PTPRN2: variants seen among roughly 807,000 people sequenced by gnomAD.
PTPRN2 encodes receptor-type tyrosine-protein phosphatase N2.
A neutral mutation model predicts 118.8 loss-of-function variants in PTPRN2; 74 were observed. The ratio of observed to expected loss-of-function variants is 0.62; its 90% CI spans 0.52 to 0.76. PTPRN2 has a LOEUF of 0.76. Ranked by LOEUF, PTPRN2 falls within the 30% of genes least tolerant of loss-of-function variation. The pLI is 0.00. For synonymous variants in PTPRN2, 641 were observed against 608.0 expected (o/e 1.05, Z -0.80); for missense variants, 1,481 against 1,394.4 (o/e 1.06, Z -0.99).
chr7:158,169,569 C>A (rs1399836488), intron 5 of PTPRN2, among the ~76,000 whole-genome samples: 1 of 151,642 alleles, frequency 6.6e-6, no homozygotes, highest in Non-Finnish European at 1.5e-5. Context: ...GCGTGAGCCA[C>A]CGCGCCTGGC....
intron 2 of PTPRN2, among the ~76,000 whole-genome samples, chr7:158,480,779 G>A (rs1820590704): frequency 6.6e-6 from 1 of 152,236 alleles, no homozygotes; most frequent in Admixed American, 6.5e-5. Context: ...GCCTAATCCA[G>A]AGCAAGGCCC....
At chr7:157,703,105 C>T (rs571030411) in intron 12 of PTPRN2, among the ~76,000 whole-genome samples, 13 of 152,344 alleles carry the variant, frequency 8.5e-5, no homozygotes, top group South Asian at 2.1e-4. Flanking sequence ...TGAAATTGAA[C>T]GGGCTCATTC....
At chr7:158,024,990 G>C (rs1396875010) in intron 11 of PTPRN2, among the ~76,000 whole-genome samples, 1 of 152,192 alleles carries the variant, frequency 6.6e-6, no homozygotes, top group East Asian at 1.9e-4. Flanking sequence ...GCAGTGGGTG[G>C]TTTGTGAATG....
At chr7:157,911,995 G>C (rs541800848) in intron 11 of PTPRN2, among the ~76,000 whole-genome samples, 9 of 152,066 alleles carry the variant, frequency 5.9e-5, no homozygotes, top group Non-Finnish European at 2.9e-5. Flanking sequence ...TACCCAGTCC[G>C]GTGGGAAACT....
intron 13 of PTPRN2, among the ~76,000 whole-genome samples, chr7:157,668,619 G>C (rs906036747): frequency 1.4e-4 from 21 of 152,220 alleles, no homozygotes; most frequent in African/African-American, 4.8e-4. Flanking sequence ...AACGGGAACC[G>C]GCTCTGTTTG....
In PTPRN2 at chr7:158,518,828, T is replaced by C. The variant is rs554443771; in HGVS notation, c.113-29043A>G. On this transcript the variant is annotated intron_variant, in intron 1 of 22. Transcript: ENST00000389418. ...GGCGAAACCCCGTCTCTATAAAAAG[T>C]ACAAAAATTAGCTGGGCATGTTGCT... is the stretch of plus-strand genomic sequence containing the variant. 2.2e-3 allele frequency among the ~76,000 whole-genome samples: 331 copies of C among 152,102 alleles called. 2 individuals carry two copies. The highest frequency in any genetic ancestry group is 7.8e-3 in the African/African-American group (325 of 41,496).
intron 22 of PTPRN2, among the ~76,000 whole-genome samples, chr7:157,544,801 T>C (rs1798197267): frequency 6.6e-6 from 1 of 152,194 alleles, no homozygotes; most frequent in African/African-American, 2.4e-5. Context: ...GCATCCCTTG[T>C]GTCTGCTGAG....
chr7:158,071,001 ATGGTGGTGGAGGTG>A (rs1811371916), intron 11 of PTPRN2, among the ~76,000 whole-genome samples: 1 of 42,938 alleles, frequency 2.3e-5, no homozygotes, highest in African/African-American at 1.3e-4. Flanking sequence ...GGAGGTGCTC[ATGGTGGTGGAGGTG>A]CTCGTGGTGG....
chr7:157,916,428 C>A (rs898984203), intron 11 of PTPRN2, among the ~76,000 whole-genome samples: 2 of 152,218 alleles, frequency 1.3e-5, no homozygotes, highest in African/African-American at 4.8e-5. Context: ...GAGGTGGCTC[C>A]TCATGGACTG....
At chr7:158,321,934 C>T (rs1803054022) in intron 2 of PTPRN2, among the ~76,000 whole-genome samples, 1 of 152,164 alleles carries the variant, frequency 6.6e-6, no homozygotes, top group Non-Finnish European at 1.5e-5. Flanking sequence ...CATCATAAAC[C>T]CTTCCGGCAA....
chr7:158,432,810 T>C (rs914232904), intron 2 of PTPRN2, among the ~76,000 whole-genome samples: 2 of 152,228 alleles, frequency 1.3e-5, no homozygotes, highest in Admixed American at 1.3e-4. Flanking sequence ...CTCACTAGAA[T>C]GGCTTACACT....
intron 22 of PTPRN2, among the ~76,000 whole-genome samples, chr7:157,543,541 CGGACACCCG>C (rs1395593834): frequency 6.6e-6 from 1 of 152,222 alleles, no homozygotes; most frequent in Non-Finnish European, 1.5e-5. Context: ...CCATGGCTCT[CGGACACCCG>C]CTGCTGGGGT....
At chr7:157,651,245 C>A (rs1287575600) in intron 14 of PTPRN2, among the ~76,000 whole-genome samples, 2 of 152,194 alleles carry the variant, frequency 1.3e-5, no homozygotes, top group Non-Finnish European at 2.9e-5. Context: ...TTTTTCACGT[C>A]TCTGTCACTG....
At position 158,221,649 on chromosome 7, in the gene PTPRN2, G is replaced by C. The variant is rs565026185; in HGVS notation, c.278-16376C>G. Among the ~76,000 whole-genome samples, 3 of 152,194 alleles carry C rather than the reference G, an allele frequency of 2.0e-5. No homozygotes were observed. The East Asian group carries it at 5.8e-4, about 29-fold the overall frequency. The stretch of plus-strand genomic sequence containing the variant: ...AGAGAGAATGAATGCCAAGCGGAAA[G>C]GGTTTCCTTCGGATCCATCAGATCT... On this transcript the variant is annotated intron_variant, in intron 3 of 22. Transcript: ENST00000389418.
At chr7:158,575,500 G>A (rs919263204) in intron 1 of PTPRN2, among the ~76,000 whole-genome samples, 2 of 152,184 alleles carry the variant, frequency 1.3e-5, no homozygotes, top group Admixed American at 6.5e-5. Context: ...AAATAAGTGA[G>A]ACCACAGGTG....
At chr7:158,230,935 A>T (rs955910996) in intron 3 of PTPRN2, among the ~76,000 whole-genome samples, 1 of 152,230 alleles carries the variant, frequency 6.6e-6, no homozygotes, top group Non-Finnish European at 1.5e-5. Flanking sequence ...TAAACCAGCC[A>T]TATCTATAAA....
intron 3 of PTPRN2, among the ~76,000 whole-genome samples, chr7:158,257,440 T>C (rs1235513024): frequency 6.6e-6 from 1 of 152,164 alleles, no homozygotes; most frequent in African/African-American, 2.4e-5. Context: ...GCGCTAAACG[T>C]CTTTTTCTTG....
At chr7:157,849,946 G>A (rs576708516) in intron 12 of PTPRN2, among the ~76,000 whole-genome samples, 8 of 152,326 alleles carry the variant, frequency 5.3e-5, no homozygotes, top group South Asian at 2.1e-4. Context: ...TCCTGGGGAC[G>A]ACATGAGATA....
At chr7:158,138,230 C>A in intron 7 of PTPRN2, 64 bp downstream of exon 7, 2 of 1,465,944 alleles carry the variant, frequency 1.4e-6, no homozygotes, top group South Asian at 2.4e-5. Flanking sequence ...AGTCTCTGCA[C>A]AGCCCTGAGG....
Sources: gnomAD v4.1 joint callset for allele counts (sites outside exome capture counted in the v4.1 genomes callset) on GRCh38, gnomAD v4.1.1 for gene constraint, MANE v1.5 for transcripts, NCBI Gene and HGNC (gene_info 2026-07-23, HGNC 2026-07-21) for gene names.